Variants in UTRN observed in about 807,000 individuals in gnomAD.
UTRN encodes utrophin, also known as dystrophin-related protein 1.
UTRN carries 283 observed loss-of-function variants against 463.9 expected under a neutral mutation model. The ratio of observed to expected loss-of-function variants is 0.61; its 90% CI spans 0.55 to 0.67. The LOEUF is 0.67. Ranked by LOEUF, UTRN falls within the 30% of genes least tolerant of loss-of-function variation. The pLI is 0.00. For missense variants in UTRN, 3,922 were observed against 4,084.3 expected, an observed-to-expected ratio of 0.96 and a Z score of 1.08; for synonymous variants, 1,442 against 1,431.5, an observed-to-expected ratio of 1.01 and a Z score of -0.17.
chr6:144,411,731 C>T lies in UTRN; in HGVS notation c.141+8547C>T, dbSNP rs116964288. On this transcript the variant is annotated intron_variant, in intron 3 of 74. Transcript: ENST00000367545. Reference sequence around the variant, plus strand: ...ACAGTAAACACTGTAAATCATTGCTCTGTAGTTAATGAGGCATACTCTGTG... The same window carrying T: ...ACAGTAAACACTGTAAATCATTGCTTTGTAGTTAATGAGGCATACTCTGTG... 4.7e-3 allele frequency among the ~76,000 whole-genome samples: 719 copies of T among 152,228 alleles called. 5 individuals carry two copies. Among genetic ancestry groups the T allele is most frequent in the Non-Finnish European group, 7.2e-3 (493 of 68,002 alleles).
intron 63 of UTRN, among the ~76,000 whole-genome samples, chr6:144,794,761 G>A (rs1470108136): frequency 6.6e-6 from 1 of 152,152 alleles, no homozygotes; most frequent in Non-Finnish European, 1.5e-5. Context: ...CATGATCAAG[G>A]TGCTAGCAGA....
intron 2 of UTRN, among the ~76,000 whole-genome samples, chr6:144,388,250 A>G (rs539269148): frequency 1.2e-3 from 190 of 152,200 alleles, no homozygotes; most frequent in Non-Finnish European, 2.5e-3. Context: ...CCCTTAATAC[A>G]TTGTGAAAAT....
rs1194914752 is a variant in UTRN at position 144,427,688 on chromosome 6, T to C, written c.579-1090T>C. ...CACTTTTTATGAGGTTAAAGGAGGT[T>C]GCCCTAGGTTTTTAGTTGGTTAAGG... is the stretch of plus-strand genomic sequence containing the variant. On this transcript the variant is annotated intron_variant, in intron 7 of 74. Transcript: ENST00000367545. Among the ~76,000 whole-genome samples, 6 of 152,324 alleles carry C rather than the reference T, an allele frequency of 3.9e-5. No individual in the cohort carries two copies. The South Asian group carries it at 1.0e-3, about 26-fold the overall frequency.
At chr6:144,795,721 T>A (rs1363713006) in intron 63 of UTRN, among the ~76,000 whole-genome samples, 3 of 152,186 alleles carry the variant, frequency 2.0e-5, no homozygotes, top group Non-Finnish European at 2.9e-5. Flanking sequence ...TGGGGTTGTT[T>A]ATTTTTTTCT....
chr6:144,475,865 C>T (rs538554791), intron 25 of UTRN, among the ~76,000 whole-genome samples: 2 of 151,902 alleles, frequency 1.3e-5, no homozygotes, highest in Non-Finnish European at 1.5e-5. Context: ...TGCCTGAGCT[C>T]AGGAGTTTGA....
intron 53 of UTRN, among the ~76,000 whole-genome samples, chr6:144,714,138 A>T (rs1037604253): frequency 4.6e-5 from 7 of 152,036 alleles, no homozygotes; most frequent in African/African-American, 9.6e-5. Context: ...ATTTTTTTTT[A>T]AATTTTGTCT....
At chr6:144,415,149 T>C (rs190712899) in intron 3 of UTRN, among the ~76,000 whole-genome samples, 71 of 152,354 alleles carry the variant, frequency 4.7e-4, no homozygotes, top group Non-Finnish European at 8.5e-4. Context: ...AGTGATATGC[T>C]ATACCATCTA....
intron 17 of UTRN, among the ~76,000 whole-genome samples, chr6:144,450,943 T>C (rs1234333925): frequency 1.3e-5 from 2 of 152,076 alleles, no homozygotes; most frequent in Admixed American, 1.3e-4. Flanking sequence ...TGAAACTCTG[T>C]CTCTACTAAA....
intron 52 of UTRN, among the ~76,000 whole-genome samples, chr6:144,679,142 A>G (rs6941074): frequency 0.031 from 4,667 of 152,162 alleles, 214 homozygotes; most frequent in African/African-American, 0.11. Flanking sequence ...TCTCTTATGG[A>G]CACTAAAATG....
At chr6:144,490,838 A>G (rs1223205378) in intron 31 of UTRN, 91 bp from the exon 32 acceptor site, 4 of 1,398,632 alleles carry the variant, frequency 2.9e-6, no homozygotes, top group Middle Eastern at 1.9e-4. Flanking sequence ...TTGGTACTTT[A>G]TGGTACAAAT....
chr6:144,459,061 G>T, intron 20 of UTRN, 50 bp downstream of exon 20: 1 of 1,566,296 alleles, frequency 6.4e-7, no homozygotes, highest in South Asian at 1.2e-5. Context: ...TGCAGTTCCA[G>T]AGTTAAGGAG....
At chr6:144,838,374 A>C (rs1328806694) in intron 71 of UTRN, among the ~76,000 whole-genome samples, 1 of 149,174 alleles carries the variant, frequency 6.7e-6, no homozygotes, top group Non-Finnish European at 1.5e-5. Context: ...AAGTAGATGG[A>C]AAATTCAACT....
intron 74 of UTRN, among the ~76,000 whole-genome samples, chr6:144,847,899 T>G (rs1178082427): frequency 6.6e-6 from 1 of 152,238 alleles, no homozygotes; most frequent in Non-Finnish European, 1.5e-5. Context: ...CACATACTTT[T>G]AGTAATAATG....
chr6:144,759,989 T>G (rs909816459), intron 58 of UTRN, among the ~76,000 whole-genome samples: 1 of 152,172 alleles, frequency 6.6e-6, no homozygotes, highest in African/African-American at 2.4e-5. Context: ...AAACTGGATC[T>G]AGTTTTTGGG....
At chr6:144,717,599 T>A (rs1401516147) in intron 53 of UTRN, among the ~76,000 whole-genome samples, 2 of 151,608 alleles carry the variant, frequency 1.3e-5, no homozygotes, top group Non-Finnish European at 2.9e-5. Context: ...ATCACATAAT[T>A]CCATTTTTTT....
chr6:144,453,773 C>T lies in UTRN; in HGVS notation c.2197-9C>T. On this transcript the variant is annotated splice_polypyrimidine_tract_variant and intron_variant, in intron 18 of 74. Transcript: ENST00000367545. ...TTGCAATATTCTTATGTTGGGACTT[C>T]ATTTGCAGGCATTAGAAAAAGAACA... 1 of 1,610,676 alleles carries T rather than the reference C, an allele frequency of 6.2e-7. No homozygotes were observed. Among genetic ancestry groups the T allele is most frequent in the Non-Finnish European group, 8.5e-7 (1 of 1,178,154 alleles).
At chr6:144,780,362 TA>T (rs1262440729) in intron 60 of UTRN, among the ~76,000 whole-genome samples, 2 of 152,124 alleles carry the variant, frequency 1.3e-5, no homozygotes, top group Non-Finnish European at 2.9e-5. Flanking sequence ...CTTATTTTTT[TA>T]ATGCCAAAAA....
chr6:144,526,841 G>A (rs575236819), intron 41 of UTRN, among the ~76,000 whole-genome samples: 14 of 151,258 alleles, frequency 9.3e-5, no homozygotes, highest in South Asian at 2.1e-4. Context: ...CTGTCACCCA[G>A]GCTGGAGTGC....
intron 51 of UTRN, among the ~76,000 whole-genome samples, chr6:144,649,188 C>CA (rs1352094778): frequency 1.3e-5 from 2 of 152,052 alleles, no homozygotes; most frequent in Admixed American, 1.3e-4. Flanking sequence ...AAAAACAAAA[C>CA]ACGAGGAGGC....
Sources: allele counts gnomAD v4.1 joint callset (sites outside exome capture counted in the v4.1 genomes callset), GRCh38; gene constraint gnomAD v4.1.1; transcripts MANE v1.5; gene names NCBI Gene and HGNC (gene_info 2026-07-23, HGNC 2026-07-21).